Variants in STXBP6 observed in about 807,000 individuals in gnomAD.
STXBP6 encodes the protein syntaxin binding protein 6.
STXBP6 carries 21 observed loss-of-function variants against 26.9 expected under a neutral mutation model. The observed-to-expected ratio is 0.78, with a 90% CI of 0.55 to 1.12. STXBP6 has a LOEUF of 1.12. Among genes scored for constraint, STXBP6 ranks in the 50% most tolerant of loss-of-function variants. The pLI is 0.00. For missense variants in STXBP6, 232 were observed against 257.9 expected (o/e 0.90, Z 0.69); for synonymous variants, 97 against 92.6 (o/e 1.05, Z -0.27).
intron 2 of STXBP6, among the ~76,000 whole-genome samples, chr14:24,864,621 A>AG (rs1035248113): frequency 5.0e-4 from 76 of 152,110 alleles, no homozygotes; most frequent in African/African-American, 1.6e-3. Context: ...GCCATTCCAA[A>AG]GGGAAAAAAA....
Position 25,044,455 on chromosome 14 carries a change from C to T in STXBP6, c.-33+5423G>A, listed in dbSNP as rs2075694694. Reference sequence around the variant, plus strand: ...TCTCACTGTGGTTTTGATTTGCATCCCCCTAATGACTAATGGCACAGGAAC... The same window carrying T: ...TCTCACTGTGGTTTTGATTTGCATCTCCCTAATGACTAATGGCACAGGAAC... On this transcript the variant is annotated intron_variant, in intron 1 of 5. Transcript: ENST00000323944. Among the ~76,000 whole-genome samples the T allele has an allele frequency of 2.6e-5, 4 of 152,140 alleles. No individual in the cohort carries two copies. The South Asian group carries it at 8.3e-4, about 32-fold the overall frequency.
intron 1 of STXBP6, among the ~76,000 whole-genome samples, chr14:25,007,338 G>C (rs114467024): frequency 1.3e-5 from 2 of 152,176 alleles, no homozygotes; most frequent in Non-Finnish European, 2.9e-5. Flanking sequence ...GCTAAGAGGC[G>C]TGGGGTAAAT....
At chr14:24,901,346 T>TC (rs34764872) in intron 2 of STXBP6, among the ~76,000 whole-genome samples, 21,492 of 151,188 alleles carry the variant, frequency 0.14, 1,952 homozygotes, top group South Asian at 0.25. Flanking sequence ...CTAGCATGGC[T>TC]CCCCCCCAAA....
chr14:24,987,996 A>G, intron 1 of STXBP6: 1 of 546,706 alleles, frequency 1.8e-6, no homozygotes, highest in Non-Finnish European at 2.3e-6. Context: ...AGAACAATCA[A>G]CAAGTTAGCC....
chr14:24,848,286 G>C (rs1366756369), intron 4 of STXBP6, among the ~76,000 whole-genome samples: 1 of 152,120 alleles, frequency 6.6e-6, no homozygotes, highest in Non-Finnish European at 1.5e-5. Context: ...GAAAAGCATA[G>C]AGATGCTGAG....
chr14:24,812,895 T>C (rs2067863169), intron 5 of STXBP6, among the ~76,000 whole-genome samples, 163 bp from the exon 6 acceptor site: 1 of 152,232 alleles, frequency 6.6e-6, no homozygotes, highest in Non-Finnish European at 1.5e-5. Context: ...CCTTTAAATG[T>C]GCAACATTTT....
chr14:24,813,237 T>G (rs1000396215), intron 5 of STXBP6, among the ~76,000 whole-genome samples: 2 of 152,310 alleles, frequency 1.3e-5, no homozygotes, highest in Admixed American at 1.3e-4. Flanking sequence ...ACAATTTAAT[T>G]GTGTTACTGA....
chr14:24,996,468 C>G (rs995926234), intron 1 of STXBP6, among the ~76,000 whole-genome samples: 4 of 152,208 alleles, frequency 2.6e-5, no homozygotes, highest in African/African-American at 9.6e-5. Flanking sequence ...TTCACAAAAT[C>G]ACTTCTCCAG....
At chr14:24,992,652 G>A (rs2074502976) in intron 1 of STXBP6, among the ~76,000 whole-genome samples, 1 of 152,094 alleles carries the variant, frequency 6.6e-6, no homozygotes, top group Non-Finnish European at 1.5e-5. Flanking sequence ...AAAACAAGTG[G>A]CCGACCCACA....
intron 2 of STXBP6, among the ~76,000 whole-genome samples, chr14:24,863,797 A>C (rs776078535): frequency 1.2e-4 from 18 of 152,216 alleles, no homozygotes; most frequent in Non-Finnish European, 2.2e-4. Flanking sequence ...ATAGACCTGC[A>C]GAGAAAATAA....
At chr14:25,005,161 T>C (rs1287759073) in intron 1 of STXBP6, among the ~76,000 whole-genome samples, 1 of 152,188 alleles carries the variant, frequency 6.6e-6, no homozygotes, top group Non-Finnish European at 1.5e-5. Context: ...ATTTACCTTT[T>C]TAAAAGGGGA....
intron 4 of STXBP6, 170 bp from the exon 5 acceptor site, chr14:24,819,364 G>A (rs138030050): frequency 1.0e-4 from 75 of 731,438 alleles, no homozygotes; most frequent in Non-Finnish European, 1.5e-4. Flanking sequence ...TTTGACTGAC[G>A]CACTTGCAGC....
intron 2 of STXBP6, among the ~76,000 whole-genome samples, chr14:24,858,123 C>T (rs1296648871): frequency 3.3e-5 from 5 of 152,040 alleles, no homozygotes; most frequent in African/African-American, 4.8e-5. Context: ...TTCTTTGTTT[C>T]GAATCACCCC....
At chr14:24,887,333 T>A (rs2070627516) in intron 2 of STXBP6, among the ~76,000 whole-genome samples, 1 of 152,216 alleles carries the variant, frequency 6.6e-6, no homozygotes, top group Non-Finnish European at 1.5e-5. Flanking sequence ...AAAGTAAGCA[T>A]CATACTTAGA....
At chr14:24,871,087 C>T (rs1455631831) in intron 2 of STXBP6, among the ~76,000 whole-genome samples, 2 of 151,502 alleles carry the variant, frequency 1.3e-5, no homozygotes, top group Admixed American at 6.6e-5. Flanking sequence ...CTAGAAACCA[C>T]GCCAATATTT....
intron 1 of STXBP6, among the ~76,000 whole-genome samples, chr14:25,028,709 G>A (rs1316067438): frequency 2.6e-5 from 4 of 152,118 alleles, no homozygotes; most frequent in African/African-American, 9.7e-5. Context: ...AGCTGCCATA[G>A]ACAGTGATTC....
chr14:24,880,877 A>C (rs1018150873), intron 2 of STXBP6, among the ~76,000 whole-genome samples: 3 of 152,232 alleles, frequency 2.0e-5, no homozygotes, highest in Non-Finnish European at 4.4e-5. Flanking sequence ...GGGCAGTTCC[A>C]ATCTCTGAAA....
At position 24,931,068 on chromosome 14, in the gene STXBP6, G is replaced by A. The variant is rs867615950; in HGVS notation, c.154+43597C>T. ...GGAGCTTGCAGTGAGCCGAGATTGC[G>A]CCACTGCAGTCCGCAGTCCGGCCTG... On this transcript the variant is annotated intron_variant, in intron 2 of 5. Coordinates refer to ENST00000323944, the MANE Select transcript of STXBP6 (RefSeq NM_001394410.1). Among the ~76,000 whole-genome samples the A allele has an allele frequency of 7.2e-3, 873 of 120,814 alleles. 9 individuals carry two copies. Among genetic ancestry groups the A allele is most frequent in the African/African-American group, 0.025 (756 of 30,724 alleles). 79.3% of individuals were successfully genotyped at this position (120,814 alleles called of 152,430 possible). A position where few individuals can be genotyped will look rare whatever the true frequency, so the allele number is the denominator to read the frequency against.
chr14:24,811,032 C>A lies in STXBP6; in HGVS notation c.*1677G>T, dbSNP rs1026299028. Reference sequence around the variant, plus strand: ...TCGCTTCTTTAAATTTTTAAGACACCAAAAAGAAAGTATAAAATATTATAG... The same window carrying A: ...TCGCTTCTTTAAATTTTTAAGACACAAAAAAGAAAGTATAAAATATTATAG... On this transcript the variant is annotated 3_prime_UTR_variant, in exon 6 of 6. Coordinates refer to ENST00000323944, the MANE Select transcript of STXBP6 (RefSeq NM_001394410.1). 4 of 151,818 alleles carry A rather than the reference C, an allele frequency of 2.6e-5. No homozygotes were observed. Among genetic ancestry groups the A allele is most frequent in the Non-Finnish European group, 4.4e-5 (3 of 67,956 alleles). 9.4% of individuals were successfully genotyped at this position (151,818 alleles called of 1,614,324 possible). A position where few individuals can be genotyped will look rare whatever the true frequency, so the allele number is the denominator to read the frequency against.
Sources: gnomAD v4.1 joint callset for allele counts (sites outside exome capture counted in the v4.1 genomes callset) on GRCh38, gnomAD v4.1.1 for gene constraint, MANE v1.5 for transcripts, NCBI Gene and HGNC (gene_info 2026-07-23, HGNC 2026-07-21) for gene names.